The following SH2D3A variants were observed in gnomAD, a reference collection of about 807,000 sequenced individuals.
SH2D3A encodes SH2 domain-containing protein 3A.
In SH2D3A, 46 loss-of-function variants were observed where a neutral mutation model predicts 50.6. The ratio of observed to expected loss-of-function variants is 0.91; its 90% CI spans 0.72 to 1.16. The LOEUF is 1.16. Ranked by LOEUF, SH2D3A falls within the 50% of genes most tolerant of loss-of-function variation. The pLI, the probability that SH2D3A is intolerant of heterozygous loss-of-function variation, is 0.00. For synonymous variants in SH2D3A, 377 were observed against 348.4 expected, an observed-to-expected ratio of 1.08 and a Z score of -0.91; for missense variants, 783 against 786.2, an observed-to-expected ratio of 1.00 and a Z score of 0.05.
intron 4 of SH2D3A, among the ~76,000 whole-genome samples, chr19:6,756,248 C>T (rs976986357): frequency 2.7e-5 from 4 of 148,402 alleles, no homozygotes; most frequent in African/African-American, 9.9e-5. Context: ...CATATAATTA[C>T]ATTTATATAT....
intron 1 of SH2D3A, 107 bp downstream of exon 1, chr19:6,767,279 AC>A (rs1970350499): frequency 1.3e-5 from 2 of 151,836 alleles, no homozygotes; most frequent in South Asian, 4.2e-4. Context: ...TCGCGAGGCG[AC>A]CTCTTCTACC....
rs527327404 is a variant in SH2D3A at position 6,753,520 on chromosome 19, G to A, written c.1506C>T (p.His502=). ...CGTCCCGGACCATGTGACGCGCCCC[G>A]TGCAGGGTGCGCAACAGCCGCTCAC... ...ESCERLLRTL[H]GARHMVRDAP... Residue 502 remains histidine (H), a synonymous_variant, in exon 9 of 10, where the codon CAC becomes CAT. Transcript: ENST00000245908. The A allele has an allele frequency of 2.9e-5, 45 of 1,560,500 alleles. No individual in the cohort carries two copies. Among genetic ancestry groups the A allele is most frequent in the Admixed American group, 2.9e-4 (15 of 52,440 alleles).
At chr19:6,753,796 G>A (rs1446210248) in intron 8 of SH2D3A, among the ~76,000 whole-genome samples, 155 bp from the exon 9 acceptor site, 1 of 152,188 alleles carries the variant, frequency 6.6e-6, no homozygotes, top group Non-Finnish European at 1.5e-5. Context: ...ATGGAGGGCG[G>A]GGCCTATGGC....
rs867401686 is a variant in SH2D3A at position 6,762,633 on chromosome 19, A to G, written c.69+1047T>C. 5.3e-4 allele frequency among the ~76,000 whole-genome samples: 78 copies of G among 147,430 alleles called. 2 individuals are homozygous for G. The Middle Eastern group carries it at 0.014, about 27-fold the overall frequency. On this transcript the variant is annotated intron_variant, in intron 2 of 9. Transcript: ENST00000245908. Reference sequence around the variant, plus strand: ...GCAATCCTCCCATCTCAGCCTCCTGAGTAGTTGGGACAACAGGTACATGCC... The same window carrying G: ...GCAATCCTCCCATCTCAGCCTCCTGGGTAGTTGGGACAACAGGTACATGCC...
chr19:6,754,425 C>A lies in SH2D3A; in HGVS notation c.1098G>T (p.Arg366Ser). The change falls in exon 7 of 10, where the codon AGG becomes AGT. Residue 366 changes from arginine (R) to serine (S), a missense_variant and splice_region_variant. Transcript: ENST00000245908. The part of the protein sequence containing the change: ...GHHLRLELLE[R>S]HQTLALAGAL... ...CCCCGGCCAGCGCCAGTGTCTGATG[C>A]CTGCAGAGGTGGAGGGCAAGGGTCT... 1 of 1,523,928 alleles carries A rather than the reference C, an allele frequency of 6.6e-7. No homozygotes were observed. Among genetic ancestry groups the A allele is most frequent in the Admixed American group, 2.1e-5 (1 of 48,472 alleles). 94.4% of individuals were successfully genotyped at this position (1,523,928 alleles called of 1,614,324 possible).
chr19:6,762,699 T>C (rs35813263), intron 2 of SH2D3A, among the ~76,000 whole-genome samples: 1 of 146,064 alleles, frequency 6.8e-6, no homozygotes, highest in East Asian at 2.0e-4. Flanking sequence ...TTTTTTTTTG[T>C]GTAGAGACAG....
Position 6,753,451 on chromosome 19 carries a change from C to T in SH2D3A, c.1570+5G>A. The T allele has an allele frequency of 4.0e-6, 6 of 1,497,380 alleles. No homozygotes were observed. The highest frequency in any genetic ancestry group is 5.4e-6 in the Non-Finnish European group (6 of 1,116,454). The allele number at this position is 1,497,380 out of a possible 1,614,324, so 92.8% of individuals were successfully genotyped here. A position where few individuals can be genotyped will look rare whatever the true frequency, so the allele number is the denominator to read the frequency against. On this transcript the variant is annotated splice_donor_5th_base_variant and intron_variant, in intron 9 of 9. Transcript: ENST00000245908. ...TCTGCAGTCCAGCGCAGAGGGAACG[C>T]TCACCTCGCAGGCGCTGGGCTGCCA...
chr19:6,760,806 T>A lies in SH2D3A; in HGVS notation c.251A>T (p.Gln84Leu). ...AACCAGAGCCGGTATGCTGGGGAATTGCTCATCCTCCAGTTGAAAGAGGGC... is the reference window on the plus strand; with the variant it reads ...AACCAGAGCCGGTATGCTGGGGAATAGCTCATCCTCCAGTTGAAAGAGGGC... Reference protein sequence around the residue: ...PTALFQLEDEQFPSIPALVHS... With the variant: ...PTALFQLEDELFPSIPALVHS... The change falls in exon 3 of 10, where the codon CAA (glutamine) becomes CTA (leucine). Residue 84 changes from glutamine (Q) to leucine (L), a missense_variant. By Grantham distance (113) the Gln-to-Leu change is moderately radical. Transcript: ENST00000245908. 6.2e-6 allele frequency: 10 copies of A among 1,614,240 alleles called. No individual in the cohort carries two copies. Among genetic ancestry groups the A allele is most frequent in the Non-Finnish European group, 7.6e-6 (9 of 1,180,034 alleles).
chr19:6,752,530 T>C lies in SH2D3A; in HGVS notation c.*63A>G, dbSNP rs892109823. The stretch of plus-strand genomic sequence containing the variant: ...CGCGAGGAGCCTGGGACGACTCCTT[T>C]GGTCTCTTCTGGGGTTCGCAAAAAC... On this transcript the variant is annotated 3_prime_UTR_variant, in exon 10 of 10. Coordinates refer to ENST00000245908, the MANE Select transcript of SH2D3A (RefSeq NM_005490.3). 55 of 1,398,332 alleles carry C rather than the reference T, an allele frequency of 3.9e-5. No homozygotes were observed. Among genetic ancestry groups the C allele is most frequent in the Middle Eastern group, 1.9e-4 (1 of 5,360 alleles). The allele number at this position is 1,398,332 out of a possible 1,614,324, so 86.6% of individuals were successfully genotyped here.
rs1414891518 is a variant in SH2D3A at position 6,753,484 on chromosome 19, G to A, written c.1542C>T (p.Phe514=). ...GCAGGCGCTGGGCTGCCACCTTGCG[G>A]AATTTGGGTGCGTCCCGGACCATGT... ...ARHMVRDAPK[F]RKVAAQRLRG... is the part of the protein sequence containing the mutation. Residue 514 remains phenylalanine (F), a synonymous_variant, in exon 9 of 10, where the codon TTC becomes TTT. Coordinates refer to ENST00000245908, the MANE Select transcript of SH2D3A (RefSeq NM_005490.3). The A allele has an allele frequency of 2.0e-6, 3 of 1,530,510 alleles. No individual in the cohort carries two copies. The highest frequency in any genetic ancestry group is 2.5e-5 in the East Asian group (1 of 40,484). 94.8% of individuals were successfully genotyped at this position (1,530,510 alleles called of 1,614,324 possible).
At chr19:6,759,779 A>G in intron 3 of SH2D3A, 109 bp from the exon 4 acceptor site, 1 of 1,082,428 alleles carries the variant, frequency 9.2e-7, no homozygotes, top group African/African-American at 1.6e-5. Context: ...GTCTCAACCA[A>G]TCAAGGTGAC....
chr19:6,752,731 C>G lies in SH2D3A; in HGVS notation c.1593G>C (p.Leu531=), dbSNP rs1350937562. 31 of 1,550,456 alleles carry G rather than the reference C, an allele frequency of 2.0e-5. No homozygotes were observed. Among genetic ancestry groups the G allele is most frequent in the Non-Finnish European group, 2.7e-5 (31 of 1,146,346 alleles). The change falls in exon 10 of 10, where the codon CTG becomes CTC. Residue 531 remains leucine (L), a synonymous_variant. Transcript: ENST00000245908. ...CGAAGCCGGTGGTCAGGGCCTCCCT[C>G]AGCTCCGGGTTAGGCCGGAATCCTG... is the stretch of plus-strand genomic sequence containing the variant. ...RLRGFRPNPE[L]REALTTGFVR...
intron 4 of SH2D3A, chr19:6,759,305 G>A (rs771238906): frequency 5.0e-5 from 15 of 300,490 alleles, no homozygotes; most frequent in Non-Finnish European, 9.0e-5. Flanking sequence ...TGGAGATGGG[G>A]TTTCACCATG....
At chr19:6,766,928 G>A (rs1970330645) in intron 1 of SH2D3A, among the ~76,000 whole-genome samples, 1 of 152,162 alleles carries the variant, frequency 6.6e-6, no homozygotes, top group Non-Finnish European at 1.5e-5. Flanking sequence ...TACAGTAAGG[G>A]TAAAGGCCTG....
In SH2D3A at chr19:6,760,995, TGAAGTTC is replaced by T; in HGVS notation, c.70-15_70-9del. 6.2e-7 allele frequency: 1 copy of T among 1,600,918 alleles called. No homozygotes were observed. The highest frequency in any genetic ancestry group is 1.3e-5 in the African/African-American group (1 of 74,798). On this transcript the variant is annotated splice_polypyrimidine_tract_variant and intron_variant, in intron 2 of 9. Coordinates refer to ENST00000245908, the MANE Select transcript of SH2D3A (RefSeq NM_005490.3). ...AAGAAGAGCTTCAGCCTTCTGTGGA[TGAAGTTC>T]AGGGGGCAGGGGAATTAGGAATGAG...
intron 1 of SH2D3A, among the ~76,000 whole-genome samples, chr19:6,764,826 C>G (rs1970218243): frequency 6.6e-6 from 1 of 150,946 alleles, no homozygotes; most frequent in African/African-American, 2.4e-5. Context: ...CCACCTCATC[C>G]TTCTGAGTAG....
In SH2D3A at chr19:6,754,062, AT is replaced by A. The variant is rs1212663094; in HGVS notation, c.1373del (p.Asp458ValfsTer74). 1 of 1,606,674 alleles carries A rather than the reference AT, an allele frequency of 6.2e-7. No homozygotes were observed. Among genetic ancestry groups the A allele is most frequent in the Non-Finnish European group, 8.5e-7 (1 of 1,175,768 alleles). ...CAGACCTTCACTTACCAGCGCCCTC[AT>A]CCAGAGCCCGCATCAGCGGCTTCAG... ...QELKPLMRALDEGAGPCDPGE... is the reference protein window; with the variant it reads ...QELKPLMRALXEGAGPCDPGE... On this transcript the variant is annotated frameshift_variant, in exon 8 of 10. Transcript: ENST00000245908. LOFTEE classifies it high-confidence loss of function.
Position 6,760,660 on chromosome 19 carries a change from G to C in SH2D3A, c.397C>G (p.Pro133Ala). ...TACCTGAGAGGCTCTATCCGAGCTG[G>C]GCCATCCATCAGGGTGTCCTCGCTA... ...SFSEDTLMDG[P>A]ARIEPLRARK... The change falls in exon 3 of 10, where the codon CCA (proline) becomes GCA (alanine). Residue 133 changes from proline to alanine, a missense_variant. Physicochemically the swap from Pro to Ala is conservative, Grantham distance 27. Coordinates refer to ENST00000245908, the MANE Select transcript of SH2D3A (RefSeq NM_005490.3). The C allele has an allele frequency of 6.3e-7, 1 of 1,595,442 alleles. No individual in the cohort carries two copies. The highest frequency in any genetic ancestry group is 8.6e-7 in the Non-Finnish European group (1 of 1,168,020).
chr19:6,757,156 G>A (rs1969733273), intron 4 of SH2D3A, among the ~76,000 whole-genome samples: 1 of 151,550 alleles, frequency 6.6e-6, no homozygotes, highest in South Asian at 2.1e-4. Context: ...TGTAATTTCT[G>A]GACTATTAGT....
Sources: gnomAD v4.1 joint callset for allele counts (sites outside exome capture counted in the v4.1 genomes callset) on GRCh38, gnomAD v4.1.1 for gene constraint, MANE v1.5 for transcripts, NCBI Gene and HGNC (gene_info 2026-07-23, HGNC 2026-07-21) for gene names.